SCP2: variants seen among roughly 807,000 people sequenced by gnomAD.
The protein encoded by SCP2 is SCP-2/3-oxoacyl-CoA thiolase.
In SCP2, 48 loss-of-function variants were observed where a neutral mutation model predicts 71.4. The observed-to-expected ratio is 0.67, with a 90% CI of 0.53 to 0.86. The LOEUF (loss-of-function observed/expected upper bound fraction) is 0.86, where lower values mean the gene tolerates loss of function less well. Ranked by LOEUF, SCP2 falls within the 40% of genes least tolerant of loss-of-function variation. The pLI is 0.00. For missense variants in SCP2, 560 were observed against 655.6 expected, an observed-to-expected ratio of 0.85 and a Z score of 1.59; for synonymous variants, 220 against 218.1, an observed-to-expected ratio of 1.01 and a Z score of -0.08.
intron 10 of SCP2, among the ~76,000 whole-genome samples, chr1:52,986,414 C>G (rs1234404795): frequency 6.6e-6 from 1 of 152,090 alleles, no homozygotes; most frequent in Admixed American, 6.6e-5. Context: ...AGAGCAATTT[C>G]CAAGGTAGAA....
chr1:52,991,448 T>G (rs1473085273), intron 11 of SCP2, among the ~76,000 whole-genome samples: 2 of 152,112 alleles, frequency 1.3e-5, no homozygotes, highest in Non-Finnish European at 2.9e-5. Context: ...TCGCCCAGGC[T>G]GGAGCGCAGT....
chr1:52,933,442 GA>G (rs886770145), intron 1 of SCP2, among the ~76,000 whole-genome samples: 7 of 151,324 alleles, frequency 4.6e-5, no homozygotes, highest in Non-Finnish European at 8.8e-5. Flanking sequence ...CAAAAATTAA[GA>G]AAAAAAACCC....
chr1:53,041,751 A>G (rs752537660), intron 14 of SCP2, among the ~76,000 whole-genome samples: 1 of 152,200 alleles, frequency 6.6e-6, no homozygotes, highest in Non-Finnish European at 1.5e-5. Flanking sequence ...AAGCGTGTCT[A>G]TCAAAGATGG....
intron 13 of SCP2, among the ~76,000 whole-genome samples, chr1:53,037,781 C>T (rs1291764051): frequency 6.6e-6 from 1 of 151,844 alleles, no homozygotes; most frequent in African/African-American, 2.4e-5. Context: ...GTGGCTAACC[C>T]CTGTATCCCA....
chr1:52,996,992 A>G (rs1659980112), intron 11 of SCP2, among the ~76,000 whole-genome samples: 1 of 152,112 alleles, frequency 6.6e-6, no homozygotes, highest in African/African-American at 2.4e-5. Flanking sequence ...TTTCATATTG[A>G]AAATGTGACA....
intron 11 of SCP2, among the ~76,000 whole-genome samples, chr1:52,996,559 T>C (rs181342790): frequency 6.6e-6 from 1 of 152,294 alleles, no homozygotes; most frequent in East Asian, 1.9e-4. Flanking sequence ...GTGTTAGCAG[T>C]ATTTTCTCCA....
rs147167752 is a variant in SCP2, at chr1:52,945,744, A to AATATATATATATATATATATAT, written c.128-2249_128-2248insATATATATATATATATATATAT. Reference sequence around the variant, plus strand: ...GGAAAAGAATGTTTAAGTTGTGCATAATATATATATATATATGCCATTATT... The same window carrying AATATATATATATATATATATAT: ...GGAAAAGAATGTTTAAGTTGTGCATAATATATATATATATATATATATATATATATATATATATGCCATTATT... On this transcript the variant is annotated intron_variant, in intron 2 of 15. Coordinates refer to ENST00000371514, the MANE Select transcript of SCP2 (RefSeq NM_002979.5). Among the ~76,000 whole-genome samples the AATATATATATATATATATATAT allele has an allele frequency of 4.6e-3, 670 of 145,534 alleles. 3 individuals carry two copies. The highest frequency in any genetic ancestry group is 0.016 in the African/African-American group (591 of 38,098).
At chr1:52,976,513 TAG>T (rs1186804439) in intron 7 of SCP2, among the ~76,000 whole-genome samples, 168 bp from the exon 8 acceptor site, 1 of 152,216 alleles carries the variant, frequency 6.6e-6, no homozygotes, top group Non-Finnish European at 1.5e-5. Context: ...TACTGTATTT[TAG>T]AGTTAGGATT....
intron 15 of SCP2, chr1:53,050,397 C>T (rs1664129733): frequency 2.0e-6 from 1 of 500,770 alleles, no homozygotes; most frequent in Non-Finnish European, 3.6e-6. Context: ...GAAAGCTGCT[C>T]CTTTCTGCTG....
At chr1:52,990,018 G>A (rs1468528145) in intron 11 of SCP2, among the ~76,000 whole-genome samples, 1 of 152,202 alleles carries the variant, frequency 6.6e-6, no homozygotes, top group African/African-American at 2.4e-5. Flanking sequence ...TATGCAGGTA[G>A]AGGTCCAGTA....
At chr1:53,029,982 G>A (rs998133706) in intron 13 of SCP2, among the ~76,000 whole-genome samples, 5 of 151,802 alleles carry the variant, frequency 3.3e-5, no homozygotes, top group African/African-American at 9.7e-5. Context: ...TCCACCTCCC[G>A]GGTTCAAGCG....
intron 2 of SCP2, among the ~76,000 whole-genome samples, chr1:52,945,295 C>A (rs997660099): frequency 6.6e-6 from 1 of 152,138 alleles, no homozygotes; most frequent in Non-Finnish European, 1.5e-5. Context: ...AACTCCTGGG[C>A]TCAAGCAGTC....
intron 11 of SCP2, among the ~76,000 whole-genome samples, chr1:53,002,614 A>T (rs192400082): frequency 1.3e-5 from 2 of 152,226 alleles, no homozygotes; most frequent in African/African-American, 4.8e-5. Flanking sequence ...TGATGAATTC[A>T]TAGATCCTTT....
chr1:53,028,397 T>G lies in SCP2; in HGVS notation c.1338+326T>G, dbSNP rs72903142. On this transcript the variant is annotated intron_variant, in intron 13 of 15. Transcript: ENST00000371514. ...ATAAAGGGATTCTAATTTATTTTGC[T>G]GTAATTTCCTTTGAATTAAAACGGT... is the stretch of plus-strand genomic sequence containing the variant. 0.1 allele frequency among the ~76,000 whole-genome samples: 15,154 copies of G among 152,198 alleles called. 1,468 individuals carry two copies. The highest frequency in any genetic ancestry group is 0.22 in the African/African-American group (9,013 of 41,490).
chr1:52,999,203 G>A (rs1403975502), intron 11 of SCP2, among the ~76,000 whole-genome samples: 2 of 152,132 alleles, frequency 1.3e-5, no homozygotes, highest in East Asian at 1.9e-4. Flanking sequence ...GATATACTTC[G>A]AGGAAATCTG....
At chr1:53,044,699 G>T (rs1663675465) in intron 14 of SCP2, among the ~76,000 whole-genome samples, 1 of 152,200 alleles carries the variant, frequency 6.6e-6, no homozygotes, top group Non-Finnish European at 1.5e-5. Context: ...GGAGCCAACT[G>T]TTAGAATCCT....
intron 10 of SCP2, among the ~76,000 whole-genome samples, chr1:52,980,940 T>C (rs1474852226): frequency 1.3e-5 from 2 of 152,200 alleles, no homozygotes; most frequent in Non-Finnish European, 1.5e-5. Context: ...TTTTGTTTTT[T>C]CGTTTTTCTG....
At chr1:52,978,514 C>T in intron 9 of SCP2, 147 bp downstream of exon 9, 1 of 695,774 alleles carries the variant, frequency 1.4e-6, no homozygotes, top group Non-Finnish European at 2.5e-6. Flanking sequence ...CCTAGAACTC[C>T]AATCTTACAG....
At chr1:53,012,751 G>T (rs75217470) in intron 11 of SCP2, among the ~76,000 whole-genome samples, 2,444 of 152,280 alleles carry the variant, frequency 0.016, 78 homozygotes, top group African/African-American at 0.056. Context: ...CTGTATAGAG[G>T]TGGCTATCTT....
Sources: gnomAD v4.1 joint callset for allele counts (sites outside exome capture counted in the v4.1 genomes callset) on GRCh38, gnomAD v4.1.1 for gene constraint, MANE v1.5 for transcripts, NCBI Gene and HGNC (gene_info 2026-07-23, HGNC 2026-07-21) for gene names.